The following DHRS7B variants were observed in gnomAD, a reference collection of about 807,000 sequenced individuals.
DHRS7B encodes dehydrogenase/reductase 7B, also known as peroxisomal reductase activating PPAR-gamma.
Under a neutral mutation model 26.4 loss-of-function variants are expected in DHRS7B, and 24 were observed. The ratio of observed to expected loss-of-function variants is 0.91; its 90% CI spans 0.66 to 1.28. DHRS7B has a LOEUF of 1.28. DHRS7B is among the 50% of genes most tolerant of loss of function. The probability of loss-of-function intolerance (pLI) is 0.00; values close to 1 mark genes in which losing one functional copy is unlikely to be tolerated. For synonymous variants in DHRS7B, 142 were observed against 166.4 expected, an observed-to-expected ratio of 0.85 and a Z score of 1.13; for missense variants, 368 against 419.4, an observed-to-expected ratio of 0.88 and a Z score of 1.07.
rs1356216696 is a variant in DHRS7B at position 21,191,073 on chromosome 17, C to A, written c.898C>A (p.Leu300Ile). 4.3e-6 allele frequency: 7 copies of A among 1,614,114 alleles called. No homozygotes were observed. Among genetic ancestry groups the A allele is most frequent in the Non-Finnish European group, 4.2e-6 (5 of 1,180,062 alleles). ...ADLLPSLAVY[L>I]RTLAPGLFFS... The stretch of plus-strand genomic sequence containing the variant: ...CTTACTGCCTTCCTTGGCTGTTTAT[C>A]TTCGAACTCTGGCTCCTGGGCTCTT... The change falls in exon 7 of 7, where the codon CTT becomes ATT. Residue 300 changes from leucine to isoleucine, a missense_variant. Leu to Ile is a conservative substitution (Grantham distance 5, BLOSUM62 2). Transcript: ENST00000395511.
chr17:21,154,356 G>A (rs1973835435), intron 1 of DHRS7B, among the ~76,000 whole-genome samples: 1 of 151,848 alleles, frequency 6.6e-6, no homozygotes, highest in Non-Finnish European at 1.5e-5. Context: ...TTATGCAAAT[G>A]AGAAGAGAAT....
Position 21,148,505 on chromosome 17 carries a change from G to A in DHRS7B, c.20+21514G>A, listed in dbSNP as rs144239959. Among the ~76,000 whole-genome samples, 169 of 152,228 alleles carry A rather than the reference G, an allele frequency of 1.1e-3. 1 individual carries two copies. The highest frequency in any genetic ancestry group is 3.4e-3 in the Middle Eastern group (1 of 294). ...CTCATGCCTGTGTTCCCAGCACTTT[G>A]GGAGGCTGAGGATGGATCACTTTAA... On this transcript the variant is annotated intron_variant, in intron 1 of 6. Transcript: ENST00000395511.
chr17:21,175,420 A>G (rs971383042), intron 2 of DHRS7B, among the ~76,000 whole-genome samples: 10 of 152,336 alleles, frequency 6.6e-5, no homozygotes, highest in African/African-American at 1.4e-4. Context: ...CCATCACCAC[A>G]TGGCTACCAG....
At chr17:21,139,577 G>A (rs1414899828) in intron 1 of DHRS7B, among the ~76,000 whole-genome samples, 3 of 152,040 alleles carry the variant, frequency 2.0e-5, no homozygotes, top group African/African-American at 7.2e-5. Flanking sequence ...AGGAGGCTAA[G>A]GCAGGAGAAT....
chr17:21,186,180 C>G (rs935253791), intron 5 of DHRS7B, among the ~76,000 whole-genome samples: 1 of 152,202 alleles, frequency 6.6e-6, no homozygotes, highest in Non-Finnish European at 1.5e-5. Flanking sequence ...GTGGCCTTCT[C>G]ACCTATAAAA....
At chr17:21,153,996 A>G (rs1012116740) in intron 1 of DHRS7B, among the ~76,000 whole-genome samples, 2 of 152,174 alleles carry the variant, frequency 1.3e-5, no homozygotes, top group African/African-American at 4.8e-5. Context: ...AATGCTACCT[A>G]TAGAGGAGGA....
At chr17:21,186,633 G>A (rs1225375077) in intron 5 of DHRS7B, among the ~76,000 whole-genome samples, 1 of 152,162 alleles carries the variant, frequency 6.6e-6, no homozygotes, top group African/African-American at 2.4e-5. Flanking sequence ...CTTAGCTGAC[G>A]GATGCCCCTT....
rs896861879 is a variant in DHRS7B at position 21,184,282 on chromosome 17, A to G, written c.527-89A>G. 3.4e-6 allele frequency: 4 copies of G among 1,177,090 alleles called. No homozygotes were observed. The Admixed American group carries it at 8.2e-5, about 24-fold the overall frequency. 72.9% of individuals were successfully genotyped at this position (1,177,090 alleles called of 1,614,324 possible). The stretch of plus-strand genomic sequence containing the variant: ...TTCACCATTCTCCCTCATTCTGACT[A>G]AATATCAAAAGCAAGGTCGCCTTCC... On this transcript the variant is annotated intron_variant, in intron 4 of 6. Coordinates refer to ENST00000395511, the MANE Select transcript of DHRS7B (RefSeq NM_015510.5).
intron 1 of DHRS7B, among the ~76,000 whole-genome samples, chr17:21,162,327 A>G (rs772028248): frequency 2.0e-5 from 3 of 152,186 alleles, no homozygotes; most frequent in Admixed American, 1.3e-4. Context: ...TGCTTTTCTT[A>G]TGGCAACTGG....
chr17:21,139,932 A>G (rs1973452169), intron 1 of DHRS7B, among the ~76,000 whole-genome samples: 1 of 151,866 alleles, frequency 6.6e-6, no homozygotes, highest in South Asian at 2.1e-4. Flanking sequence ...CATTGTGTAC[A>G]CAACACATAC....
intron 1 of DHRS7B, among the ~76,000 whole-genome samples, chr17:21,140,527 CACACACACACA>C (rs1390221885): frequency 6.0e-5 from 9 of 150,658 alleles, no homozygotes; most frequent in South Asian, 2.1e-4. Context: ...CACACACACA[CACACACACACA>C]CCCTGACACC....
intron 1 of DHRS7B, among the ~76,000 whole-genome samples, chr17:21,138,439 G>T (rs984140527): frequency 2.6e-5 from 4 of 151,344 alleles, no homozygotes; most frequent in Admixed American, 1.3e-4. Flanking sequence ...TAGCCAGGAT[G>T]GTCTTGATCT....
At chr17:21,185,576 A>G (rs1974612712) in intron 5 of DHRS7B, among the ~76,000 whole-genome samples, 1 of 152,232 alleles carries the variant, frequency 6.6e-6, no homozygotes, top group African/African-American at 2.4e-5. Context: ...AGCTTTGGAT[A>G]GGACAGCCAT....
intron 1 of DHRS7B, among the ~76,000 whole-genome samples, chr17:21,163,122 G>C (rs1974033986): frequency 6.6e-6 from 1 of 151,706 alleles, no homozygotes; most frequent in Non-Finnish European, 1.5e-5. Context: ...CTTGAACCCG[G>C]GAGGCAGAGG....
intron 4 of DHRS7B, 90 bp downstream of exon 4, chr17:21,183,900 C>A: frequency 1.8e-6 from 2 of 1,123,946 alleles, no homozygotes; most frequent in South Asian, 1.4e-5. Flanking sequence ...CGTTCCCCAT[C>A]TCCATCCTCT....
At chr17:21,129,519 A>G (rs1973179912) in intron 1 of DHRS7B, among the ~76,000 whole-genome samples, 1 of 152,018 alleles carries the variant, frequency 6.6e-6, no homozygotes, top group Non-Finnish European at 1.5e-5. Flanking sequence ...TAGCCTGGGC[A>G]ACATAGGGAG....
At chr17:21,145,349 A>C (rs1973620438) in intron 1 of DHRS7B, among the ~76,000 whole-genome samples, 1 of 152,174 alleles carries the variant, frequency 6.6e-6, no homozygotes, top group South Asian at 2.1e-4. Context: ...ATCAACCTGT[A>C]AATTTTTAAA....
intron 4 of DHRS7B, 129 bp downstream of exon 4, chr17:21,183,939 T>C: frequency 1.3e-6 from 1 of 784,692 alleles, no homozygotes; most frequent in Non-Finnish European, 2.1e-6. Context: ...TGTTAGGTGT[T>C]ATTGTTACAG....
At chr17:21,178,615 C>CTTACTGGGTGGGAGTGGGGGATGGT (rs1276405537) in intron 3 of DHRS7B, among the ~76,000 whole-genome samples, 1 of 151,372 alleles carries the variant, frequency 6.6e-6, no homozygotes, top group Non-Finnish European at 1.5e-5. Context: ...CTAAGCTCTA[C>CTTACTGGGTGGGAGTGGGGGATGGT]TTACTGGGTG....
Sources: gnomAD v4.1 joint callset for allele counts (sites outside exome capture counted in the v4.1 genomes callset) on GRCh38, gnomAD v4.1.1 for gene constraint, MANE v1.5 for transcripts, NCBI Gene and HGNC (gene_info 2026-07-23, HGNC 2026-07-21) for gene names.